Variants in CAPN2 observed in about 807,000 individuals in gnomAD.
CAPN2 encodes calpain-2 catalytic subunit.
In CAPN2, 92 loss-of-function variants were observed where a neutral mutation model predicts 102.3. The observed-to-expected ratio is 0.90, with a 90% CI of 0.76 to 1.07. The LOEUF is 1.07. Ranked by LOEUF, CAPN2 falls within the 50% of genes least tolerant of loss-of-function variation. The pLI, the probability that CAPN2 is intolerant of heterozygous loss-of-function variation, is 0.00. For missense variants in CAPN2, 800 were observed against 909.4 expected, an observed-to-expected ratio of 0.88 and a Z score of 1.55; for synonymous variants, 340 against 355.4, an observed-to-expected ratio of 0.96 and a Z score of 0.49.
chr1:223,753,802 G>A (rs925337126), intron 9 of CAPN2, among the ~76,000 whole-genome samples: 2 of 152,146 alleles, frequency 1.3e-5, no homozygotes, highest in Non-Finnish European at 2.9e-5. Context: ...ATTACCTTCA[G>A]CCTATGTGTA....
Position 223,755,292 on chromosome 1 carries a change from C to T in CAPN2, c.1136-188C>T, listed in dbSNP as rs1661003904. Among the ~76,000 whole-genome samples, 1 of 151,804 alleles carries T rather than the reference C, an allele frequency of 6.6e-6. No individual in the cohort carries two copies. Among genetic ancestry groups the T allele is most frequent in the South Asian group, 2.1e-4 (1 of 4,804 alleles). ...TTTTCTGACATCTCCCGCTGTCTCC[C>T]ACCATCTTCTGCCATACTCTGCCAT... On this transcript the variant is annotated intron_variant, in intron 9 of 20. Transcript: ENST00000295006. This position sits in a 1 kb window ranked among gnomAD's most constrained non-coding sequence, Gnocchi z 4.1.
At chr1:223,705,389 G>A (rs1028311325) in intron 1 of CAPN2, among the ~76,000 whole-genome samples, 4 of 152,220 alleles carry the variant, frequency 2.6e-5, no homozygotes, top group African/African-American at 9.6e-5. Flanking sequence ...TACATCCTCG[G>A]AAGACTGAGT....
Position 223,752,017 on chromosome 1 carries a change from T to C in CAPN2, c.920T>C (p.Ile307Thr), listed in dbSNP as rs760338527. 6.2e-7 allele frequency: 1 copy of C among 1,612,502 alleles called. No homozygotes were observed. The highest frequency in any genetic ancestry group is 1.1e-5 in the South Asian group (1 of 90,960). ...WNDNCPSWNT[I>T]DPEERERLTR... ...TCCAGCTGCCCAAGCTGGAACACTA[T>C]AGACCCAGAGGAGAGGGAAAGGCTG... The change falls in exon 8 of 21, where the codon ATA becomes ACA. Residue 307 changes from isoleucine to threonine, a missense_variant. Ile to Thr is a moderately conservative substitution (Grantham distance 89, BLOSUM62 -1). Coordinates refer to ENST00000295006, the MANE Select transcript of CAPN2 (RefSeq NM_001748.5).
In CAPN2 at chr1:223,712,755, T is replaced by A; in HGVS notation, c.115T>A (p.Cys39Ser). 1 of 1,581,876 alleles carries A rather than the reference T, an allele frequency of 6.3e-7. No individual in the cohort carries two copies. The highest frequency in any genetic ancestry group is 8.6e-7 in the Non-Finnish European group (1 of 1,166,202). The change falls in exon 1 of 21, where the codon TGC becomes AGC. Residue 39 changes from cysteine to serine, a missense_variant. Transcript: ENST00000295006. ...GGACTACGAGGCGCTGCGGAACGAG[T>A]GCCTGGAGGCCGGGACGCTCTTCCA... ...NQDYEALRNE[C>S]LEAGTLFQDP... is the part of the protein sequence containing the mutation.
intron 20 of CAPN2, chr1:223,772,599 A>G (rs939540076): frequency 4.9e-5 from 11 of 226,482 alleles, no homozygotes; most frequent in African/African-American, 2.3e-4. Flanking sequence ...CTGAAATTCA[A>G]GTTGGGTTTT....
At chr1:223,757,241 A>T in intron 10 of CAPN2, 128 bp from the exon 11 acceptor site, 1 of 1,019,546 alleles carries the variant, frequency 9.8e-7, no homozygotes, top group Non-Finnish European at 1.5e-6. Context: ...GAAAACAGTT[A>T]CTCGGTTGAA....
chr1:223,702,449 G>A (rs561638071), intron 1 of CAPN2, among the ~76,000 whole-genome samples: 144 of 151,686 alleles, frequency 9.5e-4, no homozygotes, highest in African/African-American at 2.7e-3. Flanking sequence ...AAAAGAAAAG[G>A]AAAGGAAAAG....
Position 223,727,103 on chromosome 1 carries a change from G to A in CAPN2, c.307+9272G>A, listed in dbSNP as rs533232499. Among the ~76,000 whole-genome samples the A allele has an allele frequency of 1.0e-3, 157 of 151,820 alleles. 1 individual carries two copies. Among genetic ancestry groups the A allele is most frequent in the Middle Eastern group, 3.4e-3 (1 of 294 alleles). On this transcript the variant is annotated intron_variant, in intron 2 of 20. Coordinates refer to ENST00000295006, the MANE Select transcript of CAPN2 (RefSeq NM_001748.5). This position sits in a 1 kb window ranked among gnomAD's most constrained non-coding sequence, Gnocchi z 4.1. ...TTGAGAGATGTGTCTCTCTGGGACA[G>A]GGTGTCAGGTCTGCTGGAGATTGTT...
chr1:223,703,492 T>C (rs1659531629), intron 1 of CAPN2, among the ~76,000 whole-genome samples: 1 of 152,150 alleles, frequency 6.6e-6, no homozygotes, highest in African/African-American at 2.4e-5. Flanking sequence ...ACAGTAGAGG[T>C]ACTGGGCTGG....
chr1:223,713,095 C>T (rs952990456), intron 1 of CAPN2, among the ~76,000 whole-genome samples: 1 of 152,224 alleles, frequency 6.6e-6, no homozygotes, highest in African/African-American at 2.4e-5. Flanking sequence ...CTTCCACCCA[C>T]CACGCTTTCC....
At chr1:223,733,145 C>T (rs747655791) in intron 2 of CAPN2, among the ~76,000 whole-genome samples, 1 of 152,102 alleles carries the variant, frequency 6.6e-6, no homozygotes, top group Non-Finnish European at 1.5e-5. Context: ...AGCCTCTGCA[C>T]TATAGTGTGA....
At chr1:223,718,596 C>G (rs960815059) in intron 2 of CAPN2, among the ~76,000 whole-genome samples, 2 of 152,212 alleles carry the variant, frequency 1.3e-5, no homozygotes, top group African/African-American at 4.8e-5. Flanking sequence ...TTCTTTTACT[C>G]ATAATAAATG....
Position 223,772,217 on chromosome 1 carries a change from C to T in CAPN2, c.2057C>T (p.Thr686Ile). ...CAGCTGGATCCCGAGAATACTGGAACAATAGAGCTCGACCTTATCTCTGTG... is the reference window on the plus strand; with the variant it reads ...CAGCTGGATCCCGAGAATACTGGAATAATAGAGCTCGACCTTATCTCTGTG... ...FKQLDPENTG[T>I]IELDLISWLC... The change falls in exon 20 of 21, where the codon ACA (threonine) becomes ATA (isoleucine). Residue 686 changes from threonine (T) to isoleucine (I), a missense_variant. Transcript: ENST00000295006. The T allele has an allele frequency of 1.2e-6, 2 of 1,614,120 alleles. No homozygotes were observed. Among genetic ancestry groups the T allele is most frequent in the Non-Finnish European group, 1.7e-6 (2 of 1,179,990 alleles).
chr1:223,706,757 C>A (rs1299578512), intron 1 of CAPN2, among the ~76,000 whole-genome samples: 1 of 152,118 alleles, frequency 6.6e-6, no homozygotes, highest in Non-Finnish European at 1.5e-5. Context: ...CGTGGAGGTG[C>A]AAAATTAAAA....
chr1:223,773,422 G>A (rs367704095), intron 20 of CAPN2, among the ~76,000 whole-genome samples: 38 of 151,998 alleles, frequency 2.5e-4, no homozygotes, highest in African/African-American at 6.8e-4. Context: ...GGCTGGGCGC[G>A]GTGGCTCACA....
intron 13 of CAPN2, chr1:223,761,835 T>C (rs1333061299): frequency 1.9e-6 from 1 of 530,900 alleles, no homozygotes; most frequent in Admixed American, 3.4e-5. Context: ...TGCTAGCCAC[T>C]GTCAAAATCC....
intron 16 of CAPN2, among the ~76,000 whole-genome samples, chr1:223,766,959 CAAA>C (rs763808349): frequency 1.6e-5 from 2 of 127,674 alleles, no homozygotes; most frequent in African/African-American, 2.9e-5. Context: ...GACTCATCGC[CAAA>C]AAAAAAAAAA....
chr1:223,748,001 A>C (rs749236480), intron 5 of CAPN2, among the ~76,000 whole-genome samples: 3 of 151,594 alleles, frequency 2.0e-5, no homozygotes, highest in Admixed American at 2.0e-4. Flanking sequence ...TCCCACTCTT[A>C]GCCTGCTCTG....
chr1:223,755,366 A>C lies in CAPN2; in HGVS notation c.1136-114A>C. On this transcript the variant is annotated intron_variant, in intron 9 of 20. Transcript: ENST00000295006. The surrounding 1 kb of genome is among the most constrained non-coding windows in gnomAD (Gnocchi z 4.1). ...TTACCATCTCCCACCACCTCCCACC[A>C]TCTCCCTTTATCTCCATCCCTCTCA... The C allele has an allele frequency of 1.0e-6, 1 of 976,640 alleles. No individual in the cohort carries two copies. Among genetic ancestry groups the C allele is most frequent in the Non-Finnish European group, 1.5e-6 (1 of 648,996 alleles). 60.5% of individuals were successfully genotyped at this position (976,640 alleles called of 1,614,324 possible). A position where few individuals can be genotyped will look rare whatever the true frequency, so the allele number is the denominator to read the frequency against.
Sources: gnomAD v4.1 joint callset for allele counts (sites outside exome capture counted in the v4.1 genomes callset) on GRCh38, gnomAD v4.1.1 for gene constraint, Gnocchi (gnomAD v3.1) non-coding constraint, MANE v1.5 for transcripts, NCBI Gene and HGNC (gene_info 2026-07-23, HGNC 2026-07-21) for gene names.